SH3BP4: variants seen among roughly 807,000 people sequenced by gnomAD.
SH3BP4 encodes SH3 domain-binding protein 4.
SH3BP4 carries 33 observed loss-of-function variants against 65.5 expected under a neutral mutation model. The ratio of observed to expected loss-of-function variants is 0.50; its 90% CI spans 0.38 to 0.67. The LOEUF (loss-of-function observed/expected upper bound fraction) is 0.67, where lower values mean the gene tolerates loss of function less well. Ranked by LOEUF, SH3BP4 falls within the 30% of genes least tolerant of loss-of-function variation. The pLI is 0.00. For synonymous variants in SH3BP4, 552 were observed against 545.5 expected (o/e 1.01, Z -0.17); for missense variants, 1,134 against 1,261.4 (o/e 0.90, Z 1.53).
intron 1 of SH3BP4, among the ~76,000 whole-genome samples, chr2:234,963,746 CTGT>C (rs562359647): frequency 2.3e-3 from 351 of 152,292 alleles, no homozygotes; most frequent in African/African-American, 7.8e-3. Flanking sequence ...AGCTTCGGAG[CTGT>C]TGTTGTAAGC....
intron 2 of SH3BP4, among the ~76,000 whole-genome samples, chr2:235,014,599 G>A (rs563787674): frequency 7.9e-5 from 12 of 152,236 alleles, no homozygotes; most frequent in Non-Finnish European, 1.3e-4. Flanking sequence ...TGTTCCTCCC[G>A]AGGCTGTGAG....
intron 2 of SH3BP4, among the ~76,000 whole-genome samples, chr2:235,013,282 C>CA (rs1694576627): frequency 6.6e-6 from 1 of 152,154 alleles, no homozygotes; most frequent in Non-Finnish European, 1.5e-5. Context: ...CCCTTCTGTG[C>CA]AGAAGGTCCA....
intron 1 of SH3BP4, among the ~76,000 whole-genome samples, chr2:234,968,316 G>C (rs928926647): frequency 1.3e-5 from 2 of 151,926 alleles, no homozygotes; most frequent in Non-Finnish European, 2.9e-5. Context: ...TGTAGAACCG[G>C]ATGGACCTTG....
At position 235,043,194 on chromosome 2, in the gene SH3BP4, T is replaced by A; in HGVS notation, c.2425T>A (p.Cys809Ser). The A allele has an allele frequency of 6.2e-7, 1 of 1,606,152 alleles. No individual in the cohort carries two copies. The highest frequency in any genetic ancestry group is 2.2e-5 in the East Asian group (1 of 44,700). Reference sequence around the variant, plus strand: ...CGTCCTAGAAAAGCTGAAGGAGGACTGTAACAACACTGAGAACAAAGAACG... The same window carrying A: ...CGTCCTAGAAAAGCTGAAGGAGGACAGTAACAACACTGAGAACAAAGAACG... Reference protein sequence around the residue: ...ASVLEKLKEDCNNTENKERKS... With the variant: ...ASVLEKLKEDSNNTENKERKS... The change falls in exon 4 of 6, where the codon TGT (cysteine) becomes AGT (serine). Residue 809 changes from cysteine (C) to serine (S), a missense_variant. By Grantham distance (112) the Cys-to-Ser change is moderately radical. Transcript: ENST00000392011.
intron 2 of SH3BP4, among the ~76,000 whole-genome samples, chr2:235,025,305 G>A (rs568997913): frequency 3.3e-5 from 5 of 152,298 alleles, no homozygotes; most frequent in South Asian, 2.1e-4. Context: ...CTAGGGAAGC[G>A]AGCCAAGGTG....
At chr2:234,961,990 C>T (rs988514297) in intron 1 of SH3BP4, among the ~76,000 whole-genome samples, 3 of 152,022 alleles carry the variant, frequency 2.0e-5, no homozygotes, top group South Asian at 2.1e-4. Context: ...CAGCAAGTGC[C>T]GGAGGCCCCT....
At chr2:234,973,903 G>T (rs1225015415) in intron 1 of SH3BP4, among the ~76,000 whole-genome samples, 1 of 152,038 alleles carries the variant, frequency 6.6e-6, no homozygotes, top group Non-Finnish European at 1.5e-5. Context: ...CCAAAGTGCT[G>T]GGACTATAGA....
intron 2 of SH3BP4, among the ~76,000 whole-genome samples, chr2:235,003,045 G>A (rs531422946): frequency 6.6e-6 from 1 of 152,390 alleles, no homozygotes; most frequent in East Asian, 1.9e-4. Context: ...CCAGGAGGCA[G>A]GTCTGCCTCT....
intron 1 of SH3BP4, among the ~76,000 whole-genome samples, chr2:234,970,007 TCA>T (rs368919095): frequency 0.057 from 8,632 of 150,298 alleles, 721 homozygotes; most frequent in African/African-American, 0.18. Flanking sequence ...ACTCGCTGTC[TCA>T]CACACACACA....
At chr2:234,960,511 G>T (rs1432530154) in intron 1 of SH3BP4, among the ~76,000 whole-genome samples, 1 of 152,160 alleles carries the variant, frequency 6.6e-6, no homozygotes, top group African/African-American at 2.4e-5. Context: ...AGGAGATCAG[G>T]CACTGGCTAG....
intron 4 of SH3BP4, among the ~76,000 whole-genome samples, chr2:235,049,920 G>T (rs563752148): frequency 6.6e-6 from 1 of 151,824 alleles, no homozygotes; most frequent in Non-Finnish European, 1.5e-5. Context: ...GATGCCTTGC[G>T]GCCCACACAG....
intron 1 of SH3BP4, among the ~76,000 whole-genome samples, chr2:234,970,844 A>G (rs548871226): frequency 6.7e-6 from 1 of 149,306 alleles, no homozygotes; most frequent in Admixed American, 6.7e-5. Context: ...GAGAGGGTTG[A>G]CTTTTTTTTT....
chr2:235,019,873 T>TTA, intron 2 of SH3BP4, among the ~76,000 whole-genome samples: 1 of 112,602 alleles, frequency 8.9e-6, no homozygotes, highest in African/African-American at 3.4e-5. Flanking sequence ...TAAAGATTCT[T>TTA]AAAAAAAAAA....
intron 1 of SH3BP4, among the ~76,000 whole-genome samples, chr2:234,986,364 T>G (rs1305976045): frequency 6.6e-6 from 1 of 152,212 alleles, no homozygotes; most frequent in African/African-American, 2.4e-5. Flanking sequence ...CCTAAAGGTT[T>G]ATTAGGGGGA....
chr2:235,033,126 G>A lies in SH3BP4; in HGVS notation c.-132-1745G>A, dbSNP rs1010378229. Reference sequence around the variant, plus strand: ...CAGCTCTGCCGCTCCCCAGAGAGGTGGCCACCATGCCCTCCTCTCCTGCCG... The same window carrying A: ...CAGCTCTGCCGCTCCCCAGAGAGGTAGCCACCATGCCCTCCTCTCCTGCCG... On this transcript the variant is annotated intron_variant, in intron 2 of 5. Transcript: ENST00000392011. This position sits in a 1 kb window ranked among gnomAD's most constrained non-coding sequence, Gnocchi z 5.7. 6.6e-6 allele frequency among the ~76,000 whole-genome samples: 1 copy of A among 152,134 alleles called. No homozygotes were observed. Among genetic ancestry groups the A allele is most frequent in the African/African-American group, 2.4e-5 (1 of 41,442 alleles).
chr2:234,994,001 C>T (rs796215154), intron 1 of SH3BP4, among the ~76,000 whole-genome samples: 12 of 152,280 alleles, frequency 7.9e-5, no homozygotes, highest in African/African-American at 2.4e-4. Context: ...CGGCCTTTTT[C>T]GTAGCGTTCA....
rs1412381817 is a variant in SH3BP4, at chr2:234,991,662, C to T, written c.-206-3641C>T. 6.6e-6 allele frequency among the ~76,000 whole-genome samples: 1 copy of T among 152,240 alleles called. No individual in the cohort carries two copies. Among genetic ancestry groups the T allele is most frequent in the African/African-American group, 2.4e-5 (1 of 41,458 alleles). On this transcript the variant is annotated intron_variant, in intron 1 of 5. Coordinates refer to ENST00000392011, the MANE Select transcript of SH3BP4 (RefSeq NM_014521.3). This position sits in a 1 kb window ranked among gnomAD's most constrained non-coding sequence, Gnocchi z 4.2. ...GTGCCCACAGGAGAACAGTGCTTGA[C>T]TGAAAGATCGTACCCCCCTCTTCTC...
At chr2:234,985,006 C>T (rs1693503141) in intron 1 of SH3BP4, among the ~76,000 whole-genome samples, 1 of 152,084 alleles carries the variant, frequency 6.6e-6, no homozygotes, top group African/African-American at 2.4e-5. Flanking sequence ...TTTCTGGAGG[C>T]CAGGAGGCGG....
intron 2 of SH3BP4, among the ~76,000 whole-genome samples, chr2:235,017,163 T>C (rs1694711620): frequency 6.6e-6 from 1 of 151,344 alleles, no homozygotes; most frequent in African/African-American, 2.4e-5. Context: ...TTCACATTTC[T>C]CGTATTTTAA....
Sources: gnomAD v4.1 joint callset for allele counts (sites outside exome capture counted in the v4.1 genomes callset) on GRCh38, gnomAD v4.1.1 for gene constraint, Gnocchi (gnomAD v3.1) non-coding constraint, MANE v1.5 for transcripts, NCBI Gene and HGNC (gene_info 2026-07-23, HGNC 2026-07-21) for gene names.